The following EPHA6 variants were observed in gnomAD, a reference collection of about 807,000 sequenced individuals.
The protein encoded by EPHA6 is EPH receptor A6.
A neutral mutation model predicts 112.0 loss-of-function variants in EPHA6; 50 were observed. The ratio of observed to expected loss-of-function variants is 0.45; its 90% CI spans 0.36 to 0.56. The LOEUF is 0.56. Ranked by LOEUF, EPHA6 falls within the 20% of genes least tolerant of loss-of-function variation. The probability of loss-of-function intolerance (pLI) is 0.00; values close to 1 mark genes in which losing one functional copy is unlikely to be tolerated. For missense variants in EPHA6, 1,280 were observed against 1,417.4 expected, an observed-to-expected ratio of 0.90 and a Z score of 1.56; for synonymous variants, 529 against 490.7, an observed-to-expected ratio of 1.08 and a Z score of -1.03.
At chr3:97,009,493 A>G (rs757954657) in intron 3 of EPHA6, among the ~76,000 whole-genome samples, 1 of 152,212 alleles carries the variant, frequency 6.6e-6, no homozygotes, top group African/African-American at 2.4e-5. Context: ...CTAGAGCTAT[A>G]GAAATGGGTG....
chr3:97,142,212 G>C (rs1160498932), intron 3 of EPHA6, among the ~76,000 whole-genome samples: 1 of 151,976 alleles, frequency 6.6e-6, no homozygotes, highest in East Asian at 1.9e-4. Context: ...AGACAATTCT[G>C]ATAATTCAGA....
intron 3 of EPHA6, among the ~76,000 whole-genome samples, chr3:97,081,757 AT>A (rs2046727368): frequency 6.6e-6 from 1 of 151,682 alleles, no homozygotes; most frequent in Non-Finnish European, 1.5e-5. Flanking sequence ...GATTATCAAC[AT>A]TATGATATAC....
chr3:97,324,433 C>CTTTCTTTCTTTCTT (rs2082289408), intron 5 of EPHA6, among the ~76,000 whole-genome samples: 1 of 145,506 alleles, frequency 6.9e-6, no homozygotes, highest in Non-Finnish European at 1.5e-5. Context: ...TTCTTTCTTT[C>CTTTCTTTCTTTCTT]TTTCTTTCTT....
At chr3:97,438,242 T>C (rs2089958064) in intron 6 of EPHA6, among the ~76,000 whole-genome samples, 1 of 152,170 alleles carries the variant, frequency 6.6e-6, no homozygotes, top group Non-Finnish European at 1.5e-5. Flanking sequence ...AAGTTAAAAC[T>C]GAATAAATAT....
chr3:97,735,851 T>TACAA (rs2035229446), intron 15 of EPHA6, 74 bp from the exon 16 acceptor site: 8 of 1,183,576 alleles, frequency 6.8e-6, no homozygotes, highest in Non-Finnish European at 5.7e-6. Flanking sequence ...TTCTTCTGCT[T>TACAA]GTAAAAAAAG....
At chr3:97,397,794 AAAT>A (rs2086778753) in intron 5 of EPHA6, among the ~76,000 whole-genome samples, 2 of 151,638 alleles carry the variant, frequency 1.3e-5, no homozygotes, top group African/African-American at 4.8e-5. Context: ...TTAGCAATTA[AAAT>A]AATAATTACA....
At chr3:97,617,970 GCATATA>G (rs1167394904) in intron 13 of EPHA6, among the ~76,000 whole-genome samples, 1 of 152,066 alleles carries the variant, frequency 6.6e-6, no homozygotes, top group Non-Finnish European at 1.5e-5. Context: ...CAATGCAACA[GCATATA>G]CATTTTTCTC....
At chr3:97,082,710 G>A (rs1452184320) in intron 3 of EPHA6, among the ~76,000 whole-genome samples, 1 of 151,848 alleles carries the variant, frequency 6.6e-6, no homozygotes. Flanking sequence ...TGATATGCGT[G>A]TAACACCTGT....
At chr3:97,098,302 G>A (rs569447954) in intron 3 of EPHA6, among the ~76,000 whole-genome samples, 2 of 151,916 alleles carry the variant, frequency 1.3e-5, no homozygotes, top group South Asian at 2.1e-4. Context: ...TTTATTTTTT[G>A]TGTCTGATTA....
chr3:97,301,838 CTG>C (rs1345171743), intron 5 of EPHA6, among the ~76,000 whole-genome samples: 1 of 151,420 alleles, frequency 6.6e-6, no homozygotes, highest in African/African-American at 2.4e-5. Flanking sequence ...TATAATGAAT[CTG>C]TTTTTTTCTA....
chr3:96,951,420 A>G (rs1179655957), intron 2 of EPHA6, among the ~76,000 whole-genome samples: 3 of 152,196 alleles, frequency 2.0e-5, no homozygotes, highest in African/African-American at 7.2e-5. Context: ...CTAAAAAGGC[A>G]CGTAACTCTT....
chr3:97,231,977 T>C (rs1009312840), intron 4 of EPHA6, among the ~76,000 whole-genome samples: 3 of 152,134 alleles, frequency 2.0e-5, no homozygotes, highest in Admixed American at 6.5e-5. Flanking sequence ...CTATTTGTGC[T>C]GTGGGAATGA....
At chr3:97,213,297 C>T (rs1028179576) in intron 3 of EPHA6, among the ~76,000 whole-genome samples, 1 of 152,124 alleles carries the variant, frequency 6.6e-6, no homozygotes, top group Non-Finnish European at 1.5e-5. Context: ...GAAAAAGAAA[C>T]ATAATGGAGG....
At chr3:97,452,576 C>A (rs1217810112) in intron 7 of EPHA6, among the ~76,000 whole-genome samples, 1 of 151,552 alleles carries the variant, frequency 6.6e-6, no homozygotes, top group Non-Finnish European at 1.5e-5. Context: ...TGCCCCCTTC[C>A]TTCTTTAGAA....
At chr3:97,517,101 T>C (rs910007938) in intron 10 of EPHA6, among the ~76,000 whole-genome samples, 2 of 152,070 alleles carry the variant, frequency 1.3e-5, no homozygotes, top group Admixed American at 6.6e-5. Flanking sequence ...AGTGTTGAAA[T>C]GTGAAGACAG....
intron 11 of EPHA6, among the ~76,000 whole-genome samples, chr3:97,553,206 T>G (rs2093052882): frequency 6.6e-6 from 1 of 151,994 alleles, no homozygotes; most frequent in African/African-American, 2.4e-5. Context: ...TCAGATGTGA[T>G]CTCCCCTTCA....
intron 5 of EPHA6, among the ~76,000 whole-genome samples, chr3:97,253,806 C>T (rs2079215598): frequency 6.6e-6 from 1 of 152,064 alleles, no homozygotes; most frequent in South Asian, 2.1e-4. Context: ...TGTTTCAAGG[C>T]TTCTATATAT....
chr3:97,674,642 G>T (rs574470479), intron 14 of EPHA6, among the ~76,000 whole-genome samples: 1 of 152,146 alleles, frequency 6.6e-6, no homozygotes, highest in Non-Finnish European at 1.5e-5. Flanking sequence ...CAGTACAGTG[G>T]CTTCTGCTTA....
At chr3:97,390,009 G>T (rs962296590) in intron 5 of EPHA6, among the ~76,000 whole-genome samples, 1 of 152,030 alleles carries the variant, frequency 6.6e-6, no homozygotes, top group African/African-American at 2.4e-5. Context: ...GAAAATGAGG[G>T]TAAAACACAG....
Sources: allele counts gnomAD v4.1 joint callset (sites outside exome capture counted in the v4.1 genomes callset), GRCh38; gene constraint gnomAD v4.1.1; transcripts MANE v1.5; gene names NCBI Gene and HGNC (gene_info 2026-07-23, HGNC 2026-07-21).